XRN2: variants seen among roughly 807,000 people sequenced by gnomAD.
XRN2 encodes DHM1-like protein.
XRN2 carries 44 observed loss-of-function variants against 138.5 expected under a neutral mutation model. The ratio of observed to expected loss-of-function variants is 0.32; its 90% CI spans 0.25 to 0.41. The LOEUF is 0.41. Among genes scored for constraint, XRN2 ranks in the 10% least tolerant of loss-of-function variants. The pLI, the probability that XRN2 is intolerant of heterozygous loss-of-function variation, is 1.00. For missense variants in XRN2, 937 were observed against 1,169.3 expected, an observed-to-expected ratio of 0.80 and a Z score of 2.90; for synonymous variants, 354 against 369.4, an observed-to-expected ratio of 0.96 and a Z score of 0.48.
At chr20:21,323,600 A>G (rs1364618850) in intron 1 of XRN2, among the ~76,000 whole-genome samples, 1 of 152,214 alleles carries the variant, frequency 6.6e-6, no homozygotes, top group African/African-American at 2.4e-5. Context: ...TGTGTTGGAC[A>G]TGTCTACAGT....
intron 8 of XRN2, 70 bp downstream of exon 8, chr20:21,331,888 A>C: frequency 6.5e-7 from 1 of 1,533,662 alleles, no homozygotes; most frequent in Non-Finnish European, 8.9e-7. Flanking sequence ...GGTGTGCAGT[A>C]ATGGATTATT....
intron 20 of XRN2, among the ~76,000 whole-genome samples, chr20:21,350,601 A>G (rs1304611609): frequency 6.6e-6 from 1 of 150,744 alleles, no homozygotes; most frequent in African/African-American, 2.4e-5. Flanking sequence ...CACTAAAGTC[A>G]TCCTGCAGCA....
At chr20:21,303,950 T>G in intron 1 of XRN2, 1 of 789,824 alleles carries the variant, frequency 1.3e-6, no homozygotes, top group Non-Finnish European at 1.5e-6. Context: ...GTTTACCAAT[T>G]GTGCCGGAAA....
chr20:21,330,752 G>C (rs771259074), intron 6 of XRN2, 47 bp downstream of exon 6: 2 of 1,526,184 alleles, frequency 1.3e-6, no homozygotes, highest in East Asian at 2.3e-5. Flanking sequence ...GTGATCATTC[G>C]AGGCTGTACT....
chr20:21,335,428 C>G (rs183206744), intron 13 of XRN2, among the ~76,000 whole-genome samples: 43 of 152,304 alleles, frequency 2.8e-4, no homozygotes, highest in Non-Finnish European at 5.3e-4. Context: ...GTCATTGAAT[C>G]TTATTTTCTG....
In XRN2 at chr20:21,331,559, A is replaced by G; in HGVS notation, c.577-2A>G. On this transcript the variant is annotated splice_acceptor_variant, in intron 6 of 29. Coordinates refer to ENST00000377191, the MANE Select transcript of XRN2 (RefSeq NM_012255.5). LOFTEE classifies it high-confidence loss of function. ...CTGAAAGTGTTAACAATTTTTTTAT[A>G]GGTTATTTTATCTGATGCTAGTGCT... The G allele has an allele frequency of 6.2e-7, 1 of 1,608,992 alleles. No homozygotes were observed. Among genetic ancestry groups the G allele is most frequent in the Non-Finnish European group, 8.5e-7 (1 of 1,178,542 alleles).
At chr20:21,346,765 C>T (rs971287599) in intron 17 of XRN2, among the ~76,000 whole-genome samples, 3 of 151,916 alleles carry the variant, frequency 2.0e-5, no homozygotes, top group Non-Finnish European at 2.9e-5. Flanking sequence ...GATTACAGAG[C>T]GCACCACCAC....
chr20:21,342,849 G>C (rs529345135), intron 15 of XRN2, among the ~76,000 whole-genome samples: 13 of 152,268 alleles, frequency 8.5e-5, no homozygotes, highest in African/African-American at 3.1e-4. Context: ...TGGTATTTCA[G>C]ACTCAGATCT....
At chr20:21,304,461 A>T (rs980617482) in intron 1 of XRN2, among the ~76,000 whole-genome samples, 1 of 151,952 alleles carries the variant, frequency 6.6e-6, no homozygotes, top group African/African-American at 2.4e-5. Context: ...TGCTAAATTG[A>T]ATACTTGTTT....
intron 1 of XRN2, among the ~76,000 whole-genome samples, chr20:21,315,201 G>T (rs1600671882): frequency 6.6e-6 from 1 of 152,214 alleles, no homozygotes; most frequent in South Asian, 2.1e-4. Context: ...TTTTCAGGCA[G>T]TTCTTCCCTA....
At chr20:21,337,053 G>A (rs1326650757) in intron 13 of XRN2, among the ~76,000 whole-genome samples, 2 of 152,328 alleles carry the variant, frequency 1.3e-5, no homozygotes, top group East Asian at 1.9e-4. Context: ...GAAAGAAGAC[G>A]GAGGGCCCAG....
At position 21,346,501 on chromosome 20, in the gene XRN2, T is replaced by C. The variant is rs1568583340; in HGVS notation, c.1616T>C (p.Val539Ala). 6.2e-7 allele frequency: 1 copy of C among 1,614,218 alleles called. No individual in the cohort carries two copies. The highest frequency in any genetic ancestry group is 1.1e-5 in the South Asian group (1 of 91,088). ...GATGAGAAATTCCGTCGGAAAGTTG[T>C]GCAGTCGTACGTTGAAGGACTTTGC... Reference protein sequence around the residue: ...AADEKFRRKVVQSYVEGLCWV... With the variant: ...AADEKFRRKVAQSYVEGLCWV... The change falls in exon 17 of 30, where the codon GTG (valine) becomes GCG (alanine). Residue 539 changes from valine to alanine, a missense_variant. By Grantham distance (64) the Val-to-Ala change is moderately conservative. This residue lies in a region of XRN2 where 471 missense variants were observed against 581.2 expected (regional missense o/e 0.81). Coordinates refer to ENST00000377191, the MANE Select transcript of XRN2 (RefSeq NM_012255.5).
rs889497616 is a variant in XRN2, at chr20:21,382,002, C to A, written c.2593C>A (p.Pro865Thr). ...TCCTGTTTCTTTTTCAGATATGAGG[C>A]CCCAGGATTCCTGGCGAGGTCCTCC... is the stretch of plus-strand genomic sequence containing the variant. ...QIPKLMSNMR[P>T]QDSWRGPPPL... The change falls in exon 28 of 30, where the codon CCC becomes ACC. Residue 865 changes from proline (P) to threonine (T), a missense_variant. Physicochemically the swap from Pro to Thr is conservative, Grantham distance 38 (BLOSUM62 -1). Coordinates refer to ENST00000377191, the MANE Select transcript of XRN2 (RefSeq NM_012255.5). 2.5e-6 allele frequency: 4 copies of A among 1,608,204 alleles called. No individual in the cohort carries two copies. The African/African-American group carries it at 4.0e-5, about 16-fold the overall frequency.
intron 27 of XRN2, among the ~76,000 whole-genome samples, chr20:21,369,696 C>G (rs2038740833): frequency 6.6e-6 from 1 of 152,196 alleles, no homozygotes; most frequent in African/African-American, 2.4e-5. Flanking sequence ...AGATATTTTG[C>G]CCACTTTAAA....
chr20:21,354,823 G>A lies in XRN2; in HGVS notation c.1971G>A (p.Arg657=). 6.2e-7 allele frequency: 1 copy of A among 1,614,004 alleles called. No individual in the cohort carries two copies. Among genetic ancestry groups the A allele is most frequent in the Middle Eastern group, 1.6e-4 (1 of 6,062 alleles). Residue 657 remains arginine, a synonymous_variant, in exon 21 of 30, where the codon AGG becomes AGA. Transcript: ENST00000377191. The part of the protein sequence containing the change: ...VALLPFVDER[R]LRAALEEVYP... ...TCTTGCCATTCGTGGATGAGCGAAG[G>A]CTACGAGCTGCCCTAGAAGAGGTAT... is the stretch of plus-strand genomic sequence containing the variant.
chr20:21,330,685 C>A lies in XRN2; in HGVS notation c.556C>A (p.Pro186Thr). The A allele has an allele frequency of 6.2e-7, 1 of 1,612,324 alleles. No homozygotes were observed. The highest frequency in any genetic ancestry group is 8.5e-7 in the Non-Finnish European group (1 of 1,179,838). ...CATAGCTGATCGTTTAAATAATGAC[C>A]CTGGGTGGAAAAATTTGACAGTAAG... Reference protein sequence around the residue: ...YYIADRLNNDPGWKNLTVILS... With the variant: ...YYIADRLNNDTGWKNLTVILS... The change falls in exon 6 of 30, where the codon CCT (proline) becomes ACT (threonine). Residue 186 changes from proline (P) to threonine (T), a missense_variant. Around this residue, in one of 6 missense-constraint regions of XRN2, gnomAD observed 471 missense variants for 581.2 expected, o/e 0.81. Transcript: ENST00000377191.
chr20:21,377,590 T>G (rs1381105287), intron 27 of XRN2, among the ~76,000 whole-genome samples: 1 of 151,566 alleles, frequency 6.6e-6, no homozygotes, highest in Non-Finnish European at 1.5e-5. Flanking sequence ...TTTACTGTCA[T>G]TAAGACTTCT....
At chr20:21,383,771 C>T (rs536717738) in intron 28 of XRN2, among the ~76,000 whole-genome samples, 2 of 152,296 alleles carry the variant, frequency 1.3e-5, no homozygotes, top group East Asian at 3.9e-4. Context: ...TCTACCCTAG[C>T]CAAGTACTAG....
rs1031582440 is a variant in XRN2, at chr20:21,303,535, G to A, written c.75+62G>A. 60 of 1,478,316 alleles carry A rather than the reference G, an allele frequency of 4.1e-5. 1 individual carries two copies. The highest frequency in any genetic ancestry group is 5.4e-5 in the Non-Finnish European group (60 of 1,117,392). 91.6% of individuals were successfully genotyped at this position (1,478,316 alleles called of 1,614,324 possible). A position where few individuals can be genotyped will look rare whatever the true frequency, so the allele number is the denominator to read the frequency against. The stretch of plus-strand genomic sequence containing the variant: ...GGGCCCCCGGCACGTCTAGGCCGCG[G>A]CCCATGGGCTCCGCCGCCTGCCCCC... On this transcript the variant is annotated intron_variant, in intron 1 of 29. Transcript: ENST00000377191.
Sources: allele counts gnomAD v4.1 joint callset (sites outside exome capture counted in the v4.1 genomes callset), GRCh38; gene constraint gnomAD v4.1.1; regional missense constraint gnomAD v4.1.1; transcripts MANE v1.5; gene names NCBI Gene and HGNC (gene_info 2026-07-23, HGNC 2026-07-21).